CAPN15: variants seen among roughly 807,000 people sequenced by gnomAD.
CAPN15 encodes calpain 15, also known as calpain-15.
A neutral mutation model predicts 97.9 loss-of-function variants in CAPN15; 53 were observed. The observed-to-expected ratio is 0.54, with a 90% CI of 0.43 to 0.68. The LOEUF is 0.68. CAPN15 is among the 30% of genes least tolerant of loss of function. The pLI, the probability that CAPN15 is intolerant of heterozygous loss-of-function variation, is 0.00. For synonymous variants in CAPN15, 922 were observed against 722.5 expected (o/e 1.28, Z -4.43); for missense variants, 1,592 against 1,589.8 (o/e 1.00, Z -0.02).
chr16:547,039 C>T lies in CAPN15; in HGVS notation c.201C>T (p.Cys67=), dbSNP rs768037144. ...NFLGKEACEV[C]GFTPEPAPGA... Reference sequence around the variant, plus strand: ...TGGGCAAGGAGGCCTGCGAGGTGTGCGGCTTCACCCCGGAGCCTGCGCCTG... The same window carrying T: ...TGGGCAAGGAGGCCTGCGAGGTGTGTGGCTTCACCCCGGAGCCTGCGCCTG... Residue 67 remains cysteine (C), a synonymous_variant, in exon 4 of 14, where the codon TGC becomes TGT. Transcript: ENST00000219611. 1.6e-5 allele frequency: 26 copies of T among 1,608,164 alleles called. No homozygotes were observed. Among genetic ancestry groups the T allele is most frequent in the East Asian group, 4.5e-5 (2 of 44,822 alleles).
intron 3 of CAPN15, chr16:536,793 G>A (rs1468413002): frequency 6.6e-6 from 1 of 152,266 alleles, no homozygotes; most frequent in African/African-American, 2.4e-5. Flanking sequence ...GAACACAGGG[G>A]GACCCAGGAC....
Position 552,146 on chromosome 16 carries a change from G to A in CAPN15, c.2441G>A (p.Gly814Glu), listed in dbSNP as rs777073285. ...CFPSSASAPV[G>E]VTALTVLERA... Reference sequence around the variant, plus strand: ...CCCAGCTCGGCCAGCGCGCCCGTGGGGGTAACAGCGCTCACGGTGCTGGAG... The same window carrying A: ...CCCAGCTCGGCCAGCGCGCCCGTGGAGGTAACAGCGCTCACGGTGCTGGAG... Residue 814 changes from glycine (G) to glutamate (E), a missense_variant, in exon 10 of 14, where the codon GGG (glycine) becomes GAG (glutamate). Gly to Glu is a moderately conservative substitution (Grantham distance 98). Transcript: ENST00000219611. This position sits in a 1 kb window ranked among gnomAD's most constrained non-coding sequence, Gnocchi z 6.4. The A allele has an allele frequency of 2.1e-5, 32 of 1,547,292 alleles. No homozygotes were observed. The highest frequency in any genetic ancestry group is 1.4e-4 in the South Asian group (12 of 83,838).
rs1262223518 is a variant in CAPN15, at chr16:552,499, G to A, written c.2706G>A (p.Gly902=). The change falls in exon 11 of 14, where the codon GGG becomes GGA. Residue 902 remains glycine, a synonymous_variant. Coordinates refer to ENST00000219611, the MANE Select transcript of CAPN15 (RefSeq NM_005632.3). This position sits in a 1 kb window ranked among gnomAD's most constrained non-coding sequence, Gnocchi z 6.4. The part of the protein sequence containing the change: ...AVVCCAFNHW[G]PPLPGTPAPQ... ...TGTGCTGCGCCTTCAACCACTGGGG[G>A]CCGCCCCTGCCGGGCACCCCTGCCC... 8.1e-6 allele frequency: 13 copies of A among 1,605,462 alleles called. No individual in the cohort carries two copies. The highest frequency in any genetic ancestry group is 1.7e-4 in the Middle Eastern group (1 of 6,052).
At chr16:528,486 G>A (rs2033013802) in intron 1 of CAPN15, among the ~76,000 whole-genome samples, 1 of 152,212 alleles carries the variant, frequency 6.6e-6, no homozygotes, top group Non-Finnish European at 1.5e-5. Context: ...CGGCCACCTG[G>A]CGTGGAGGGG....
At chr16:553,179 T>TC (rs1458881414) in intron 13 of CAPN15, 138 bp downstream of exon 13, 3 of 215,982 alleles carry the variant, frequency 1.4e-5, no homozygotes, top group Non-Finnish European at 2.4e-5. Context: ...ACCCAACCCA[T>TC]GCCCCCCCCA....
Position 552,642 on chromosome 16 carries a change from A to T in CAPN15, c.2775A>T (p.Pro925=), listed in dbSNP as rs1319526038. The T allele has an allele frequency of 6.5e-6, 10 of 1,536,992 alleles. No homozygotes were observed. The highest frequency in any genetic ancestry group is 2.0e-5 in the Admixed American group (1 of 50,796). ...SPSAGVPRAS[P]EPPGHVLAVY... The stretch of plus-strand genomic sequence containing the variant: ...CGGCAGGGGTCCCGAGAGCCTCCCC[A>T]GAGCCGCCGGGCCACGTGCTGGCTG... Residue 925 remains proline, a synonymous_variant, in exon 12 of 14, where the codon CCA becomes CCT. Transcript: ENST00000219611. This position sits in a 1 kb window ranked among gnomAD's most constrained non-coding sequence, Gnocchi z 6.4.
chr16:546,222 T>C (rs140917336), intron 3 of CAPN15, among the ~76,000 whole-genome samples: 50 of 152,372 alleles, frequency 3.3e-4, no homozygotes, highest in African/African-American at 1.2e-3. Context: ...TTGTGCTTCT[T>C]ATGAAGAGGC....
intron 1 of CAPN15, among the ~76,000 whole-genome samples, chr16:530,780 G>A (rs1034510678): frequency 3.9e-5 from 6 of 152,196 alleles, no homozygotes; most frequent in South Asian, 2.1e-4. Flanking sequence ...CAGGGACCCC[G>A]TGGGCCCCCC....
chr16:550,667 GGTCGGTGAGGGCCCCCA>G (rs1487873941), intron 7 of CAPN15, among the ~76,000 whole-genome samples: 5 of 137,630 alleles, frequency 3.6e-5, no homozygotes, highest in Middle Eastern at 3.8e-3. Flanking sequence ...GAGGGTCCCC[GGTCGGTGAGGGCCCCCA>G]GTCGGTGAGG....
intron 1 of CAPN15, among the ~76,000 whole-genome samples, chr16:529,712 GAGA>G (rs1306510503): frequency 6.6e-6 from 1 of 152,234 alleles, no homozygotes; most frequent in African/African-American, 2.4e-5. Flanking sequence ...GACAGGTGCT[GAGA>G]AGGAGGACGA....
chr16:529,715 AAGG>A (rs1417809400), intron 1 of CAPN15, among the ~76,000 whole-genome samples: 1 of 152,106 alleles, frequency 6.6e-6, no homozygotes, highest in Non-Finnish European at 1.5e-5. Context: ...AGGTGCTGAG[AAGG>A]AGGACGACAT....
Position 554,161 on chromosome 16 carries a change from C to T in CAPN15, c.*645C>T, listed in dbSNP as rs1567164210. The T allele has an allele frequency of 4.4e-6, 1 of 225,196 alleles. No homozygotes were observed. The highest frequency in any genetic ancestry group is 1.2e-4 in the East Asian group (1 of 8,670). The allele number at this position is 225,196 out of a possible 1,614,324, so 13.9% of individuals were successfully genotyped here. A position where few individuals can be genotyped will look rare whatever the true frequency, so the allele number is the denominator to read the frequency against. ...GCGCCAGGCCCGCTGTGGGTGGGCA[C>T]CAGTTCTCAGCACCGCTCACTGCTG... On this transcript the variant is annotated 3_prime_UTR_variant, in exon 14 of 14. Transcript: ENST00000219611.
At chr16:550,146 C>T (rs1448543267) in intron 7 of CAPN15, among the ~76,000 whole-genome samples, 1 of 152,058 alleles carries the variant, frequency 6.6e-6, no homozygotes, top group East Asian at 1.9e-4. Flanking sequence ...GAGACTGATG[C>T]CGTCATCCGC....
In CAPN15 at chr16:553,035, TGCACAGGTGCGCCCCCGCCCCTGCCCCC is replaced by T; in HGVS notation, c.3078_3083+22del. On this transcript the variant is annotated splice_donor_variant and splice_donor_5th_base_variant and coding_sequence_variant and intron_variant, in exon 13 of 14. Coordinates refer to ENST00000219611, the MANE Select transcript of CAPN15 (RefSeq NM_005632.3). LOFTEE classifies it high-confidence loss of function. ...CGTACCCAGGATAGCGTGCCACCCC[TGCACAGGTGCGCCCCCGCCCCTGCCCCC>T]CCACCCCTGCACAGGTGCCCCCTCC... 1 of 1,526,432 alleles carries T rather than the reference TGCACAGGTGCGCCCCCGCCCCTGCCCCC, an allele frequency of 6.6e-7. No homozygotes were observed. The allele number at this position is 1,526,432 out of a possible 1,614,324, so 94.6% of individuals were successfully genotyped here.
In CAPN15 at chr16:552,527, C is replaced by G. The variant is rs369653935; in HGVS notation, c.2734C>G (p.Gln912Glu). 1.3e-6 allele frequency: 2 copies of G among 1,598,932 alleles called. No individual in the cohort carries two copies. The highest frequency in any genetic ancestry group is 1.7e-6 in the Non-Finnish European group (2 of 1,176,830). The change falls in exon 11 of 14, where the codon CAG (glutamine) becomes GAG (glutamate). Residue 912 changes from glutamine to glutamate, a missense_variant. By Grantham distance (29) the Gln-to-Glu change is conservative. Around this residue, in one of 3 missense-constraint regions of CAPN15, gnomAD observed 644 missense variants for 699.6 expected, o/e 0.92. Transcript: ENST00000219611. This position sits in a 1 kb window ranked among gnomAD's most constrained non-coding sequence, Gnocchi z 6.4. ...GCCCCTGCCGGGCACCCCTGCCCCC[C>G]AGGGTACGTGGCCCCTACCCCAGGC... ...GPPLPGTPAP[Q>E]ASSPSAGVPR...
At chr16:544,860 C>A (rs1383414023) in intron 3 of CAPN15, among the ~76,000 whole-genome samples, 2 of 85,432 alleles carry the variant, frequency 2.3e-5, no homozygotes, top group Non-Finnish European at 4.3e-5. Flanking sequence ...TCGCCTCCCC[C>A]ACGTCGCCTC....
Position 551,679 on chromosome 16 carries a change from G to C in CAPN15, c.2345+15G>C, listed in dbSNP as rs1272073279. The C allele has an allele frequency of 1.3e-6, 2 of 1,584,746 alleles. No individual in the cohort carries two copies. The highest frequency in any genetic ancestry group is 1.7e-4 in the Middle Eastern group (1 of 5,990). On this transcript the variant is annotated intron_variant, in intron 9 of 13. Coordinates refer to ENST00000219611, the MANE Select transcript of CAPN15 (RefSeq NM_005632.3). ...GACTTTGTCAGGTATCGGCACCGTG[G>C]GGCGGTGTGCACGCCGCCCCCGCCC...
intron 1 of CAPN15, among the ~76,000 whole-genome samples, chr16:531,531 G>A (rs958810173): frequency 2.6e-5 from 4 of 152,246 alleles, no homozygotes; most frequent in Non-Finnish European, 5.9e-5. Flanking sequence ...TGGCTGCAGA[G>A]AGGCTGGAGC....
Position 527,747 on chromosome 16 carries a change from CCCCGGGCGCGCCGTAGCCGCGGGG to C in CAPN15, c.-464_-441del, listed in dbSNP as rs2032948583. ...CGCGCGATTCACAGCGCCGCGTGCG[CCCCGGGCGCGCCGTAGCCGCGGGG>C]CCCGGGCCGGGCGCTACGCTACGAA... On this transcript the variant is annotated 5_prime_UTR_variant, in exon 1 of 14. Coordinates refer to ENST00000219611, the MANE Select transcript of CAPN15 (RefSeq NM_005632.3). The C allele has an allele frequency of 6.6e-6, 1 of 150,414 alleles. No homozygotes were observed. Among genetic ancestry groups the C allele is most frequent in the Admixed American group, 6.6e-5 (1 of 15,148 alleles). 9.3% of individuals were successfully genotyped at this position (150,414 alleles called of 1,614,324 possible).
Sources: gnomAD v4.1 joint callset for allele counts (sites outside exome capture counted in the v4.1 genomes callset) on GRCh38, gnomAD v4.1.1 for gene constraint, gnomAD v4.1.1 regional missense constraint, Gnocchi (gnomAD v3.1) non-coding constraint, MANE v1.5 for transcripts, NCBI Gene and HGNC (gene_info 2026-07-23, HGNC 2026-07-21) for gene names.